Variants in TMEM273 observed in about 807,000 individuals in gnomAD.
TMEM273 encodes transmembrane protein 273.
In TMEM273, 19 loss-of-function variants were observed where a neutral mutation model predicts 17.9. The observed-to-expected ratio is 1.06, with a 90% CI of 0.74 to 1.55. The LOEUF (loss-of-function observed/expected upper bound fraction) is 1.55. Ranked by LOEUF, TMEM273 falls within the 40% of genes most tolerant of loss-of-function variation. The pLI is 0.00. For missense variants in TMEM273, 194 were observed against 155.6 expected, an observed-to-expected ratio of 1.25 and a Z score of -1.31; for synonymous variants, 66 against 62.0, an observed-to-expected ratio of 1.07 and a Z score of -0.31.
intron 1 of TMEM273, among the ~76,000 whole-genome samples, chr10:49,184,975 A>G (rs970501408): frequency 1.3e-5 from 2 of 152,208 alleles, no homozygotes; most frequent in Admixed American, 1.3e-4. Flanking sequence ...CAACGTGTTC[A>G]GTATGCTATG....
chr10:49,174,770 C>A (rs548035262), intron 1 of TMEM273, among the ~76,000 whole-genome samples: 2 of 152,202 alleles, frequency 1.3e-5, no homozygotes, highest in East Asian at 3.9e-4. Context: ...CCATGGACCG[C>A]CCCCCATCCA....
intron 6 of TMEM273, chr10:49,156,155 C>G (rs1427886662): frequency 6.6e-7 from 1 of 1,523,020 alleles, no homozygotes; most frequent in South Asian, 1.2e-5. Flanking sequence ...AAACTTCATC[C>G]ACTTTGATGA....
intron 6 of TMEM273, among the ~76,000 whole-genome samples, chr10:49,156,817 T>C (rs966922398): frequency 6.6e-6 from 1 of 152,118 alleles, no homozygotes; most frequent in Non-Finnish European, 1.5e-5. Context: ...TGGTCAGGGA[T>C]ATAGAGCTTG....
rs779104165 is a variant in TMEM273 at position 49,165,759 on chromosome 10, A to T, written c.269+7T>A. ...CCTCTCCCTGACTGTGTGGGCAGTG[A>T]CCTTACCTTGGGGCTCTCTTCTTTA... is the stretch of plus-strand genomic sequence containing the variant. On this transcript the variant is annotated splice_region_variant and intron_variant, in intron 4 of 6. Transcript: ENST00000374153. 5.0e-6 allele frequency: 8 copies of T among 1,614,144 alleles called. No homozygotes were observed. The highest frequency in any genetic ancestry group is 1.1e-5 in the South Asian group (1 of 91,080).
intron 1 of TMEM273, among the ~76,000 whole-genome samples, chr10:49,171,188 G>A (rs1206298723): frequency 6.6e-6 from 1 of 152,256 alleles, no homozygotes; most frequent in Non-Finnish European, 1.5e-5. Flanking sequence ...CTTCTAACCT[G>A]TAGATTTGCT....
chr10:49,167,185 C>T (rs1400690708), intron 2 of TMEM273, among the ~76,000 whole-genome samples, 176 bp from the exon 3 acceptor site: 1 of 152,212 alleles, frequency 6.6e-6, no homozygotes, highest in African/African-American at 2.4e-5. Context: ...TGCCTGCACC[C>T]CATCCCCTCC....
intron 1 of TMEM273, among the ~76,000 whole-genome samples, chr10:49,170,404 G>A (rs2725194): frequency 0.1 from 15,371 of 152,122 alleles, 1,115 homozygotes; most frequent in East Asian, 0.3. Flanking sequence ...CCCTCTCTGT[G>A]GCTGGGACCC....
chr10:49,161,516 G>A, intron 6 of TMEM273, 83 bp downstream of exon 6: 2 of 1,583,404 alleles, frequency 1.3e-6, no homozygotes, highest in Admixed American at 1.7e-5. Flanking sequence ...GGAGGGAGAG[G>A]TCATGCCGAA....
intron 1 of TMEM273, among the ~76,000 whole-genome samples, chr10:49,177,821 A>G (rs1253783279): frequency 6.6e-6 from 1 of 151,566 alleles, no homozygotes; most frequent in East Asian, 2.0e-4. Context: ...TTGCCTGTCC[A>G]ACACTGTCTG....
chr10:49,168,081 C>T, intron 1 of TMEM273, 119 bp from the exon 2 acceptor site: 1 of 1,212,730 alleles, frequency 8.2e-7, no homozygotes, highest in East Asian at 2.3e-5. Flanking sequence ...CAGAGGTGGG[C>T]TCCCAATTGC....
intron 1 of TMEM273, among the ~76,000 whole-genome samples, chr10:49,185,167 T>C (rs1189814271): frequency 1.3e-5 from 2 of 152,156 alleles, no homozygotes; most frequent in Non-Finnish European, 2.9e-5. Flanking sequence ...TAAATATATA[T>C]CTAGAAAAAA....
Position 49,178,337 on chromosome 10 carries a change from T to G in TMEM273, c.43+9957A>C, listed in dbSNP as rs1402821299. On this transcript the variant is annotated intron_variant, in intron 1 of 6. Transcript: ENST00000374153. ...GAGGCTGATGTTCCACTTCGGGCAATAATTGACTCAAACAAGTGCTAATTA... is the reference window on the plus strand; with the variant it reads ...GAGGCTGATGTTCCACTTCGGGCAAGAATTGACTCAAACAAGTGCTAATTA... The G allele has an allele frequency of 6.6e-6, 3 of 456,384 alleles. No individual in the cohort carries two copies. In the East Asian group the frequency reaches 2.1e-4, roughly 32 times the overall value. 28.3% of individuals were successfully genotyped at this position (456,384 alleles called of 1,614,324 possible). A position where few individuals can be genotyped will look rare whatever the true frequency, so the allele number is the denominator to read the frequency against.
At chr10:49,186,220 C>G (rs1050899700) in intron 1 of TMEM273, among the ~76,000 whole-genome samples, 25 of 152,168 alleles carry the variant, frequency 1.6e-4, no homozygotes, top group Non-Finnish European at 2.9e-5. Context: ...TCCGTGTCAG[C>G]TCATAGAAAG....
At chr10:49,182,374 C>G (rs115790893) in intron 1 of TMEM273, among the ~76,000 whole-genome samples, 247 of 152,174 alleles carry the variant, frequency 1.6e-3, no homozygotes, top group African/African-American at 5.8e-3. Flanking sequence ...TCTCTTTACC[C>G]GGGCCTCTGC....
chr10:49,186,369 T>G (rs1847730783), intron 1 of TMEM273, among the ~76,000 whole-genome samples: 1 of 152,236 alleles, frequency 6.6e-6, no homozygotes, highest in African/African-American at 2.4e-5. Flanking sequence ...CTGTGAAATA[T>G]TTTGGGAGGG....
chr10:49,155,873 G>C lies in TMEM273; in HGVS notation c.*19C>G, dbSNP rs371134595. The C allele has an allele frequency of 6.2e-7, 1 of 1,614,128 alleles. No homozygotes were observed. Among genetic ancestry groups the C allele is most frequent in the Non-Finnish European group, 8.5e-7 (1 of 1,180,018 alleles). On this transcript the variant is annotated 3_prime_UTR_variant, in exon 7 of 7. Transcript: ENST00000374153. Reference sequence around the variant, plus strand: ...CCACGGGGCTAGAACCCCTCTTCACGTCACTGCTCACCTACAGCTCAATCA... The same window carrying C: ...CCACGGGGCTAGAACCCCTCTTCACCTCACTGCTCACCTACAGCTCAATCA...
chr10:49,169,124 A>G (rs1186129432), intron 1 of TMEM273, among the ~76,000 whole-genome samples: 2 of 152,180 alleles, frequency 1.3e-5, no homozygotes, highest in Non-Finnish European at 2.9e-5. Context: ...TAACAGATAC[A>G]ACACCACCAA....
chr10:49,166,041 C>T (rs12243014), intron 3 of TMEM273, among the ~76,000 whole-genome samples: 7,214 of 152,284 alleles, frequency 0.047, 555 homozygotes, highest in African/African-American at 0.16. Flanking sequence ...GCGATGCACA[C>T]GCCAGCATCT....
Position 49,188,327 on chromosome 10 carries a change from C to T in TMEM273, c.10G>A (p.Gly4Arg). The T allele has an allele frequency of 1.2e-6, 2 of 1,614,188 alleles. No homozygotes were observed. Among genetic ancestry groups the T allele is most frequent in the Non-Finnish European group, 1.7e-6 (2 of 1,180,022 alleles). Residue 4 changes from glycine to arginine, a missense_variant, in exon 1 of 7, where the codon GGG (glycine) becomes AGG (arginine). Coordinates refer to ENST00000374153, the MANE Select transcript of TMEM273 (RefSeq NM_001288740.3). MNLGVSMLRILFLL... is the reference protein window; with the variant it reads MNLRVSMLRILFLL... ...AAGAGGATCCTCAGCATGCTGACCC[C>T]CAAGTTCATGCTGGCGCTCTGCTCT... is the stretch of plus-strand genomic sequence containing the variant.
Sources: gnomAD v4.1 joint callset for allele counts (sites outside exome capture counted in the v4.1 genomes callset) on GRCh38, gnomAD v4.1.1 for gene constraint, MANE v1.5 for transcripts, NCBI Gene and HGNC (gene_info 2026-07-23, HGNC 2026-07-21) for gene names.